The following FRMD4B variants were observed in gnomAD, a reference collection of about 807,000 sequenced individuals.
FRMD4B encodes the protein FERM domain-containing protein 4B.
A neutral mutation model predicts 141.5 loss-of-function variants in FRMD4B; 74 were observed. That is an observed-to-expected ratio of 0.52 (90% CI 0.43 to 0.63). The LOEUF is 0.63. Ranked by LOEUF, FRMD4B falls within the 30% of genes least tolerant of loss-of-function variation. The pLI, the probability that FRMD4B is intolerant of heterozygous loss-of-function variation, is 0.00. For missense variants in FRMD4B, 1,366 were observed against 1,253.4 expected, an observed-to-expected ratio of 1.09 and a Z score of -1.36; for synonymous variants, 506 against 467.9, an observed-to-expected ratio of 1.08 and a Z score of -1.05.
intron 1 of FRMD4B, among the ~76,000 whole-genome samples, chr3:69,343,849 G>A (rs1439640624): frequency 6.6e-6 from 1 of 151,904 alleles, no homozygotes; most frequent in Non-Finnish European, 1.5e-5. Flanking sequence ...CAAAGTGCTG[G>A]GATTACAGGC....
At chr3:69,245,503 T>C (rs80284907) in intron 7 of FRMD4B, among the ~76,000 whole-genome samples, 1 of 152,204 alleles carries the variant, frequency 6.6e-6, no homozygotes, top group East Asian at 1.9e-4. Flanking sequence ...TGTGCTGCCA[T>C]GCACAGATAA....
intron 11 of FRMD4B, among the ~76,000 whole-genome samples, chr3:69,212,589 A>G (rs1403336567): frequency 6.6e-6 from 1 of 152,178 alleles, no homozygotes; most frequent in Non-Finnish European, 1.5e-5. Flanking sequence ...GCCAATTTCT[A>G]TGAAACTGTG....
chr3:69,489,042 T>A (rs753557470), intron 1 of FRMD4B, among the ~76,000 whole-genome samples: 4 of 151,878 alleles, frequency 2.6e-5, no homozygotes, highest in Non-Finnish European at 4.4e-5. Flanking sequence ...ACATTGGACA[T>A]CATTGAAATT....
intron 1 of FRMD4B, among the ~76,000 whole-genome samples, chr3:69,442,068 C>A (rs1360844396): frequency 6.6e-6 from 1 of 151,744 alleles, no homozygotes; most frequent in African/African-American, 2.4e-5. Flanking sequence ...TCAGATTACA[C>A]AATCTGAATG....
At chr3:69,503,541 G>C (rs186065121) in intron 1 of FRMD4B, among the ~76,000 whole-genome samples, 1 of 105,266 alleles carries the variant, frequency 9.5e-6, no homozygotes, top group African/African-American at 3.7e-5. Flanking sequence ...GTTGTGGGGT[G>C]GGGGGAGGGG....
At chr3:69,182,201 T>C (rs1370277909) in intron 20 of FRMD4B, among the ~76,000 whole-genome samples, 6 of 152,118 alleles carry the variant, frequency 3.9e-5, no homozygotes, top group Non-Finnish European at 7.3e-5. Flanking sequence ...CTTCCTCCTT[T>C]GTAAGATGAG....
At chr3:69,316,909 G>A (rs187486879) in intron 1 of FRMD4B, among the ~76,000 whole-genome samples, 2 of 152,164 alleles carry the variant, frequency 1.3e-5, no homozygotes, top group East Asian at 1.9e-4. Context: ...ATGACCTGAG[G>A]TCAGGAGTTC....
intron 5 of FRMD4B, among the ~76,000 whole-genome samples, chr3:69,274,162 T>C (rs1214014756): frequency 1.3e-5 from 2 of 152,112 alleles, no homozygotes; most frequent in African/African-American, 4.8e-5. Flanking sequence ...AGGGCTTGCA[T>C]GTCCTGTCAA....
intron 2 of FRMD4B, chr3:69,432,587 T>C (rs746078929): frequency 5.9e-5 from 5 of 84,820 alleles, no homozygotes; most frequent in South Asian, 4.7e-4. Context: ...TTTTCTATTC[T>C]ATCTAACATA....
intron 1 of FRMD4B, among the ~76,000 whole-genome samples, chr3:69,368,866 G>T (rs950565192): frequency 9.2e-5 from 14 of 152,110 alleles, no homozygotes; most frequent in African/African-American, 1.9e-4. Context: ...TGACCATGTT[G>T]CCCAGGCTGG....
In FRMD4B at chr3:69,303,607, G is replaced by A. The variant is rs371117139; in HGVS notation, c.324-1172C>T. On this transcript the variant is annotated intron_variant, in intron 3 of 22. Transcript: ENST00000398540. ...TGAAATATTTTAGATAATCAAGAAG[G>A]AGAAAACTTCTGGTTCAATGAAATA... Among the ~76,000 whole-genome samples, 5 of 152,172 alleles carry A rather than the reference G, an allele frequency of 3.3e-5. No homozygotes were observed. The East Asian group carries it at 9.6e-4, about 29-fold the overall frequency.
At chr3:69,172,948 C>T (rs1241984945) in intron 22 of FRMD4B, among the ~76,000 whole-genome samples, 2 of 151,910 alleles carry the variant, frequency 1.3e-5, no homozygotes, top group East Asian at 1.9e-4. Context: ...ACATAAAAAA[C>T]AAAGCCAGAT....
chr3:69,380,408 A>G (rs1002055209), intron 1 of FRMD4B, among the ~76,000 whole-genome samples: 2 of 152,162 alleles, frequency 1.3e-5, no homozygotes, highest in African/African-American at 2.4e-5. Flanking sequence ...GCTACCCTCT[A>G]TCAAGTACCT....
At chr3:69,345,709 C>T (rs563632743) in intron 1 of FRMD4B, among the ~76,000 whole-genome samples, 53 of 152,354 alleles carry the variant, frequency 3.5e-4, no homozygotes, top group African/African-American at 1.2e-3. Flanking sequence ...GCTGCTGATA[C>T]TCAGGCAAAC....
intron 22 of FRMD4B, among the ~76,000 whole-genome samples, chr3:69,173,593 T>C (rs1378725467): frequency 6.6e-6 from 1 of 152,234 alleles, no homozygotes; most frequent in South Asian, 2.1e-4. Context: ...TGAATGATTG[T>C]TATTATCCTT....
rs550223746 is a variant in FRMD4B at position 69,328,403 on chromosome 3, A to G, written c.163-14886T>C. Among the ~76,000 whole-genome samples, 5 of 152,298 alleles carry G rather than the reference A, an allele frequency of 3.3e-5. No individual in the cohort carries two copies. The South Asian group carries it at 1.0e-3, about 32-fold the overall frequency. ...ACCACAGAAAATGGCAAGTGTTGCAAATCAGTGTCCCTTTTTCCCCAGAGC... is the reference window on the plus strand; with the variant it reads ...ACCACAGAAAATGGCAAGTGTTGCAGATCAGTGTCCCTTTTTCCCCAGAGC... On this transcript the variant is annotated intron_variant, in intron 1 of 22. Coordinates refer to ENST00000398540, the MANE Select transcript of FRMD4B (RefSeq NM_015123.3).
chr3:69,354,503 C>G (rs545948059), intron 1 of FRMD4B, among the ~76,000 whole-genome samples: 3 of 152,096 alleles, frequency 2.0e-5, no homozygotes, highest in Non-Finnish European at 4.4e-5. Flanking sequence ...GTCAGAGAAA[C>G]CTCGTGTTTT....
At chr3:69,339,528 G>A (rs1559815820) in intron 1 of FRMD4B, among the ~76,000 whole-genome samples, 1 of 152,178 alleles carries the variant, frequency 6.6e-6, no homozygotes, top group Non-Finnish European at 1.5e-5. Context: ...GGCACTCAGC[G>A]TTAGCCATGA....
chr3:69,211,633 C>T (rs1320730794), intron 11 of FRMD4B, among the ~76,000 whole-genome samples: 10 of 152,180 alleles, frequency 6.6e-5, no homozygotes, highest in Admixed American at 6.5e-4. Flanking sequence ...CAGTAAATTT[C>T]CCTTCTTCTG....
Sources: gnomAD v4.1 joint callset for allele counts (sites outside exome capture counted in the v4.1 genomes callset) on GRCh38, gnomAD v4.1.1 for gene constraint, MANE v1.5 for transcripts, NCBI Gene and HGNC (gene_info 2026-07-23, HGNC 2026-07-21) for gene names.